The following PGR variants were observed in gnomAD, a reference collection of about 807,000 sequenced individuals.
PGR encodes the protein nuclear receptor subfamily 3 group C member 3.
In PGR, 25 loss-of-function variants were observed where a neutral mutation model predicts 76.1. The ratio of observed to expected loss-of-function variants is 0.33; its 90% CI spans 0.24 to 0.46. The LOEUF is 0.46. Among genes scored for constraint, PGR ranks in the 20% least tolerant of loss-of-function variants. PGR has a pLI of 1.00. For synonymous variants in PGR, 579 were observed against 535.0 expected (o/e 1.08, Z -1.14); for missense variants, 1,172 against 1,225.3 (o/e 0.96, Z 0.65).
Position 101,041,949 on chromosome 11 carries a change from T to C in PGR, c.2642A>G (p.His881Arg). ...TGGAATCAACCAAATACTTACATCA[T>C]GCAAGTTATCAAGAAGTTTTGTAAG... ...YQLTKLLDNL[H>R]DLVKQLHLYC... is the part of the protein sequence containing the mutation. The change falls in exon 7 of 8, where the codon CAT becomes CGT. Residue 881 changes from histidine to arginine, a missense_variant. Coordinates refer to ENST00000325455, the MANE Select transcript of PGR (RefSeq NM_000926.4). 1.9e-6 allele frequency: 3 copies of C among 1,612,808 alleles called. No individual in the cohort carries two copies. Among genetic ancestry groups the C allele is most frequent in the Non-Finnish European group, 2.5e-6 (3 of 1,179,034 alleles).
chr11:101,109,255 A>C (rs568821683), intron 2 of PGR, among the ~76,000 whole-genome samples: 2 of 152,324 alleles, frequency 1.3e-5, no homozygotes, highest in South Asian at 4.1e-4. Context: ...GTCACCTTAA[A>C]TTAAAAGCTA....
intron 4 of PGR, among the ~76,000 whole-genome samples, chr11:101,060,679 G>A (rs1450500491): frequency 6.6e-6 from 1 of 152,062 alleles, no homozygotes; most frequent in African/African-American, 2.4e-5. Flanking sequence ...ATGAAAATAT[G>A]GCTTTAAAAG....
Position 101,127,519 on chromosome 11 carries a change from T to G in PGR, c.1552A>C (p.Asn518His). Residue 518 changes from asparagine (N) to histidine (H), a missense_variant, in exon 1 of 8, where the codon AAC becomes CAC. By Grantham distance (68) the Asn-to-His change is moderately conservative. Around this residue, in one of 4 missense-constraint regions of PGR, gnomAD observed 893 missense variants for 785.9 expected, o/e 1.14. Transcript: ENST00000325455. ...APALYPALGL[N>H]GLPQLGYQAA... Reference sequence around the variant, plus strand: ...TGGTAGCCGAGCTGCGGGAGCCCGTTGAGGCCGAGTGCAGGGTAGAGCGCG... The same window carrying G: ...TGGTAGCCGAGCTGCGGGAGCCCGTGGAGGCCGAGTGCAGGGTAGAGCGCG... The G allele has an allele frequency of 6.5e-7, 1 of 1,533,924 alleles. No individual in the cohort carries two copies. The highest frequency in any genetic ancestry group is 8.7e-7 in the Non-Finnish European group (1 of 1,144,998).
At chr11:101,053,222 T>C (rs1860159093) in intron 4 of PGR, among the ~76,000 whole-genome samples, 1 of 152,156 alleles carries the variant, frequency 6.6e-6, no homozygotes, top group South Asian at 2.1e-4. Flanking sequence ...AAAGCAAAAC[T>C]TAATTCATTA....
chr11:101,081,874 ACAAC>A (rs1861318812), intron 3 of PGR, among the ~76,000 whole-genome samples: 1 of 152,244 alleles, frequency 6.6e-6, no homozygotes, highest in African/African-American at 2.4e-5. Flanking sequence ...CAAACAGCTA[ACAAC>A]TAAACAAGGG....
chr11:101,065,311 T>C (rs995304601), intron 3 of PGR, among the ~76,000 whole-genome samples: 4 of 152,148 alleles, frequency 2.6e-5, no homozygotes, highest in African/African-American at 4.8e-5. Context: ...AAAAAGAATA[T>C]GAGAAGAGAG....
chr11:101,056,890 C>T (rs1262870083), intron 4 of PGR, among the ~76,000 whole-genome samples: 1 of 152,144 alleles, frequency 6.6e-6, no homozygotes, highest in Admixed American at 6.5e-5. Context: ...AGTATAATCA[C>T]CAACGTATGT....
intron 2 of PGR, among the ~76,000 whole-genome samples, chr11:101,111,502 C>T (rs1476898855): frequency 6.6e-6 from 1 of 152,188 alleles, no homozygotes; most frequent in African/African-American, 2.4e-5. Context: ...TTTCACCTCT[C>T]AGCTTTGTAT....
intron 4 of PGR, among the ~76,000 whole-genome samples, chr11:101,060,287 CTTA>C (rs1423951083): frequency 6.6e-6 from 1 of 152,150 alleles, no homozygotes; most frequent in African/African-American, 2.4e-5. Flanking sequence ...CTTCCACAGA[CTTA>C]TTAGTTTTAT....
At position 101,031,722 on chromosome 11, in the gene PGR, T is replaced by C. The variant is rs145308659; in HGVS notation, c.*7394A>G. The stretch of plus-strand genomic sequence containing the variant: ...TTTGTTTTTAATGTAGGCTTTTAAA[T>C]GGGCTTTGATGGAACTTGGTTCCAT... On this transcript the variant is annotated 3_prime_UTR_variant, in exon 8 of 8. Transcript: ENST00000325455. 1.2e-4 allele frequency: 27 copies of C among 226,480 alleles called. No homozygotes were observed. The East Asian group carries it at 1.7e-3, about 14-fold the overall frequency. The allele number at this position is 226,480 out of a possible 1,614,324, so 14.0% of individuals were successfully genotyped here.
At chr11:101,043,746 A>C (rs576096532) in intron 6 of PGR, among the ~76,000 whole-genome samples, 4 of 152,332 alleles carry the variant, frequency 2.6e-5, no homozygotes, top group African/African-American at 9.6e-5. Context: ...ATATATCCAT[A>C]AGAGCTCTTG....
At chr11:101,060,252 T>C (rs550585603) in intron 4 of PGR, among the ~76,000 whole-genome samples, 121 of 152,254 alleles carry the variant, frequency 7.9e-4, no homozygotes, top group Admixed American at 1.5e-3. Context: ...GGCTAATTAG[T>C]GAGGATCACT....
intron 2 of PGR, among the ~76,000 whole-genome samples, chr11:101,103,939 T>C (rs1349020942): frequency 6.6e-6 from 1 of 152,236 alleles, no homozygotes; most frequent in East Asian, 1.9e-4. Flanking sequence ...TCATTTAACT[T>C]CTTGGCACTA....
At chr11:101,088,047 AG>A (rs1340838531) in intron 3 of PGR, among the ~76,000 whole-genome samples, 3 of 151,796 alleles carry the variant, frequency 2.0e-5, no homozygotes, top group Non-Finnish European at 2.9e-5. Context: ...ATAAATAAAA[AG>A]TTTGCCAGGT....
intron 6 of PGR, among the ~76,000 whole-genome samples, chr11:101,044,316 TC>T (rs1859790517): frequency 6.6e-6 from 1 of 152,210 alleles, no homozygotes; most frequent in Admixed American, 6.5e-5. Flanking sequence ...CAAACTTTTT[TC>T]TGCTCCTTCC....
chr11:101,069,173 A>G (rs1201523211), intron 3 of PGR, among the ~76,000 whole-genome samples: 1 of 147,964 alleles, frequency 6.8e-6, no homozygotes, highest in Admixed American at 6.7e-5. Context: ...AATTTACAAG[A>G]AAAAAAAAAC....
chr11:101,077,387 C>T (rs1861163451), intron 3 of PGR, among the ~76,000 whole-genome samples: 1 of 152,132 alleles, frequency 6.6e-6, no homozygotes, highest in African/African-American at 2.4e-5. Flanking sequence ...CACAGTGTGC[C>T]TTTGTATATA....
At chr11:101,071,532 G>A (rs529535989) in intron 3 of PGR, among the ~76,000 whole-genome samples, 4 of 152,036 alleles carry the variant, frequency 2.6e-5, no homozygotes, top group East Asian at 2.0e-4. Context: ...ACTCCTCTGA[G>A]TTAATGGAGC....
intron 2 of PGR, among the ~76,000 whole-genome samples, chr11:101,092,497 A>C (rs1042012977): frequency 3.9e-5 from 6 of 152,228 alleles, no homozygotes; most frequent in Admixed American, 3.9e-4. Flanking sequence ...ATGATAAAGG[A>C]AGAACTTAAA....
Sources: allele counts gnomAD v4.1 joint callset (sites outside exome capture counted in the v4.1 genomes callset), GRCh38; gene constraint gnomAD v4.1.1; regional missense constraint gnomAD v4.1.1; transcripts MANE v1.5; gene names NCBI Gene and HGNC (gene_info 2026-07-23, HGNC 2026-07-21).